The following BOC variants were observed in gnomAD, a reference collection of about 807,000 sequenced individuals.
BOC encodes the protein BOC cell adhesion associated, oncogene regulated.
Under a neutral mutation model 112.0 loss-of-function variants are expected in BOC, and 76 were observed. The ratio of observed to expected loss-of-function variants is 0.68; its 90% CI spans 0.56 to 0.82. The LOEUF is 0.82. Ranked by LOEUF, BOC falls within the 40% of genes least tolerant of loss-of-function variation. The pLI is 0.00. For synonymous variants in BOC, 580 were observed against 599.8 expected (o/e 0.97, Z 0.48); for missense variants, 1,309 against 1,511.7 (o/e 0.87, Z 2.22).
At chr3:113,236,601 A>AG (rs1407257518) in intron 2 of BOC, among the ~76,000 whole-genome samples, 6 of 151,666 alleles carry the variant, frequency 4.0e-5, no homozygotes, top group African/African-American at 1.5e-4. Flanking sequence ...CACTCACACA[A>AG]TGTATCCATG....
intron 2 of BOC, among the ~76,000 whole-genome samples, chr3:113,232,431 G>A (rs1942758215): frequency 6.6e-6 from 1 of 152,242 alleles, no homozygotes; most frequent in Non-Finnish European, 1.5e-5. Context: ...GTTGGGGACT[G>A]AATGTGTATA....
chr3:113,233,146 GGGGT>G (rs1942893957), intron 2 of BOC, among the ~76,000 whole-genome samples: 1 of 79,658 alleles, frequency 1.3e-5, no homozygotes, highest in Non-Finnish European at 2.7e-5. Context: ...GTAAAGGATT[GGGGT>G]GTGTGTGTGT....
chr3:113,271,084 C>G, intron 6 of BOC, 140 bp downstream of exon 6: 1 of 1,239,886 alleles, frequency 8.1e-7, no homozygotes, highest in East Asian at 2.4e-5. Context: ...GGGGGACAGC[C>G]AGGGGTTCTC....
intron 4 of BOC, among the ~76,000 whole-genome samples, chr3:113,252,485 GGGGT>G (rs970477524): frequency 3.3e-5 from 5 of 152,166 alleles, no homozygotes; most frequent in African/African-American, 1.2e-4. Context: ...TGGGGTCCTT[GGGGT>G]GGGTGAAGCT....
chr3:113,237,512 G>A (rs1943726735), intron 2 of BOC, among the ~76,000 whole-genome samples: 1 of 152,084 alleles, frequency 6.6e-6, no homozygotes, highest in Admixed American at 6.6e-5. Flanking sequence ...GCTATAGGAC[G>A]CCTGAAGCCA....
At chr3:113,231,661 G>A (rs983617223) in intron 2 of BOC, among the ~76,000 whole-genome samples, 14 of 152,176 alleles carry the variant, frequency 9.2e-5, no homozygotes, top group Non-Finnish European at 1.5e-4. Context: ...AAGGCCTGCA[G>A]TAAAGAAATC....
intron 9 of BOC, among the ~76,000 whole-genome samples, chr3:113,276,110 A>G (rs76489058): frequency 0.014 from 2,119 of 152,272 alleles, 30 homozygotes; most frequent in Non-Finnish European, 0.024. Context: ...GTAACTGGAC[A>G]CCTCCATCTC....
intron 2 of BOC, among the ~76,000 whole-genome samples, chr3:113,224,544 G>A (rs1941320191): frequency 6.9e-6 from 1 of 145,574 alleles, no homozygotes; most frequent in Non-Finnish European, 1.5e-5. Flanking sequence ...TAAGAGAAAG[G>A]AAAGTGCATG....
At chr3:113,260,080 C>A (rs77322337) in intron 4 of BOC, among the ~76,000 whole-genome samples, 4,847 of 152,218 alleles carry the variant, frequency 0.032, 261 homozygotes, top group African/African-American at 0.11. Context: ...TTCCACAGCC[C>A]TTTCTTGCCT....
chr3:113,224,658 C>T (rs1941352167), intron 2 of BOC, among the ~76,000 whole-genome samples: 2 of 152,132 alleles, frequency 1.3e-5, no homozygotes, highest in South Asian at 4.1e-4. Flanking sequence ...CCCTGAGGAG[C>T]AGGGACTTAA....
At chr3:113,211,363 A>C (rs1938117583), upstream of BOC, 1 of 152,192 alleles carries the variant, frequency 6.6e-6, no homozygotes, top group Admixed American at 6.5e-5. Flanking sequence ...CACAGCAAAA[A>C]GTGGGTGTTA....
At chr3:113,258,672 A>T (rs1027186000) in intron 4 of BOC, among the ~76,000 whole-genome samples, 1 of 151,934 alleles carries the variant, frequency 6.6e-6, no homozygotes, top group African/African-American at 2.4e-5. Context: ...TGGCTTCCTA[A>T]GCTGCCCCAG....
chr3:113,227,844 G>A (rs9853740), intron 2 of BOC, among the ~76,000 whole-genome samples: 85,782 of 151,780 alleles, frequency 0.57, 26,008 homozygotes, highest in East Asian at 0.78. Flanking sequence ...AGATTCAGCA[G>A]TTATCAAGAC....
intron 1 of BOC, among the ~76,000 whole-genome samples, chr3:113,212,971 A>G (rs1046191625): frequency 1.3e-5 from 2 of 152,122 alleles, no homozygotes; most frequent in Admixed American, 6.5e-5. Flanking sequence ...GAGGGATGAG[A>G]GAGGCAGGCA....
chr3:113,266,871 T>C (rs910612449), intron 4 of BOC, among the ~76,000 whole-genome samples: 2 of 152,194 alleles, frequency 1.3e-5, no homozygotes, highest in Non-Finnish European at 2.9e-5. Context: ...GGAAGTTCCA[T>C]TACGTGGGAA....
rs144086332 is a variant in BOC at position 113,231,068 on chromosome 3, A to G, written c.-82+14794A>G. Among the ~76,000 whole-genome samples, 351 of 152,360 alleles carry G rather than the reference A, an allele frequency of 2.3e-3. 3 individuals carry two copies. Among genetic ancestry groups the G allele is most frequent in the African/African-American group, 8.1e-3 (338 of 41,594 alleles). On this transcript the variant is annotated intron_variant, in intron 2 of 19. Transcript: ENST00000682979. ...GCTGGAGATTAAGGAATATGGACAT[A>G]GCATATTCCTTAAATGTGATAATGG...
intron 9 of BOC, among the ~76,000 whole-genome samples, chr3:113,275,612 A>G (rs1948584111): frequency 6.6e-6 from 1 of 152,260 alleles, no homozygotes; most frequent in Admixed American, 6.5e-5. Context: ...ATTGTATGTG[A>G]TAAAAGCATA....
chr3:113,279,196 T>C, intron 11 of BOC, 53 bp from the exon 12 acceptor site: 1 of 1,572,288 alleles, frequency 6.4e-7, no homozygotes, highest in South Asian at 1.1e-5. Context: ...CCTGCTTCCT[T>C]CCTCACGTCA....
chr3:113,235,357 T>G (rs1943284620), intron 2 of BOC, among the ~76,000 whole-genome samples: 1 of 152,186 alleles, frequency 6.6e-6, no homozygotes, highest in Non-Finnish European at 1.5e-5. Context: ...TTGTTGTGGC[T>G]TTGAGCATTC....
Sources: gnomAD v4.1 joint callset for allele counts (sites outside exome capture counted in the v4.1 genomes callset) on GRCh38, gnomAD v4.1.1 for gene constraint, MANE v1.5 for transcripts, NCBI Gene and HGNC (gene_info 2026-07-23, HGNC 2026-07-21) for gene names.